TEKT1: variants seen among roughly 807,000 people sequenced by gnomAD.
TEKT1 encodes the protein tektin 1.
A neutral mutation model predicts 34.8 loss-of-function variants in TEKT1; 32 were observed. The ratio of observed to expected loss-of-function variants is 0.92; its 90% CI spans 0.69 to 1.23. The LOEUF is 1.23. TEKT1 is among the 50% of genes most tolerant of loss of function. The pLI is 0.00. For synonymous variants in TEKT1, 207 were observed against 199.8 expected, an observed-to-expected ratio of 1.04 and a Z score of -0.30; for missense variants, 492 against 518.5, an observed-to-expected ratio of 0.95 and a Z score of 0.50.
intron 2 of TEKT1, among the ~76,000 whole-genome samples, chr17:6,819,590 C>T (rs530744123): frequency 6.6e-6 from 1 of 152,346 alleles, no homozygotes; most frequent in Admixed American, 6.5e-5. Flanking sequence ...ACTAGTTCTT[C>T]AGTGCCCACT....
rs1045415409 is a variant in TEKT1 at position 6,811,744 on chromosome 17, C to T, written c.852+1087G>A. Among the ~76,000 whole-genome samples the T allele has an allele frequency of 3.9e-5, 6 of 152,132 alleles. No individual in the cohort carries two copies. The highest frequency in any genetic ancestry group is 1.4e-4 in the African/African-American group (6 of 41,434). ...CCACTCCCACCGTGCCGCCTTGGGG[C>T]CCTTCCCCTCTCTGTTTCAGCTTCA... On this transcript the variant is annotated intron_variant, in intron 6 of 7. Transcript: ENST00000338694. The surrounding 1 kb of genome is among the most constrained non-coding windows in gnomAD (Gnocchi z 4.4).
chr17:6,817,746 C>T (rs1479958746), intron 3 of TEKT1, among the ~76,000 whole-genome samples: 2 of 152,142 alleles, frequency 1.3e-5, no homozygotes, highest in Non-Finnish European at 2.9e-5. Flanking sequence ...CCTACCTGTG[C>T]CTTGGTTTCC....
chr17:6,824,066 C>T (rs968699110), intron 2 of TEKT1, among the ~76,000 whole-genome samples: 1 of 152,072 alleles, frequency 6.6e-6, no homozygotes, highest in Non-Finnish European at 1.5e-5. Context: ...TCGTGATCTG[C>T]CCACATCGGC....
intron 3 of TEKT1, among the ~76,000 whole-genome samples, chr17:6,816,234 AT>A (rs1316922453): frequency 6.6e-6 from 1 of 151,640 alleles, no homozygotes; most frequent in Admixed American, 6.6e-5. Context: ...TTTTCTTTGT[AT>A]TTTTTTTAAA....
At chr17:6,801,876 A>C (rs1976778557) in intron 6 of TEKT1, among the ~76,000 whole-genome samples, 1 of 152,180 alleles carries the variant, frequency 6.6e-6, no homozygotes, top group Admixed American at 6.5e-5. Flanking sequence ...AACCTCGCAT[A>C]GTCATCAGCA....
intron 6 of TEKT1, among the ~76,000 whole-genome samples, chr17:6,809,347 T>C (rs1976894580): frequency 6.6e-6 from 1 of 152,154 alleles, no homozygotes; most frequent in Non-Finnish European, 1.5e-5. Context: ...TTCTCCTGCC[T>C]CAGCCTCCCA....
intron 2 of TEKT1, among the ~76,000 whole-genome samples, chr17:6,825,794 A>G (rs1394192531): frequency 6.6e-6 from 1 of 152,248 alleles, no homozygotes; most frequent in Non-Finnish European, 1.5e-5. Flanking sequence ...AGTGTTGTAT[A>G]TAGCTGTAGG....
rs35631399 is a variant in TEKT1 at position 6,811,405 on chromosome 17, G to A, written c.852+1426C>T. Among the ~76,000 whole-genome samples, 8,537 of 152,070 alleles carry A rather than the reference G, an allele frequency of 0.056. 300 individuals are homozygous for A. Among genetic ancestry groups the A allele is most frequent in the South Asian group, 0.085 (408 of 4,818 alleles). On this transcript the variant is annotated intron_variant, in intron 6 of 7. Coordinates refer to ENST00000338694, the MANE Select transcript of TEKT1 (RefSeq NM_053285.2). The surrounding 1 kb of genome is among the most constrained non-coding windows in gnomAD (Gnocchi z 4.4). Reference sequence around the variant, plus strand: ...GTCTAACTTAACCCTGGCTGGGGAAGACTATTGTTTCTCCCCATTTTATCA... The same window carrying A: ...GTCTAACTTAACCCTGGCTGGGGAAAACTATTGTTTCTCCCCATTTTATCA...
In TEKT1 at chr17:6,812,987, C is replaced by T. The variant is rs1597788899; in HGVS notation, c.696G>A (p.Arg232=). 6 of 1,614,220 alleles carry T rather than the reference C, an allele frequency of 3.7e-6. No individual in the cohort carries two copies. Among genetic ancestry groups the T allele is most frequent in the Non-Finnish European group, 5.1e-6 (6 of 1,180,046 alleles). The change falls in exon 6 of 8, where the codon CGG becomes CGA. Residue 232 remains arginine (R), a synonymous_variant. Transcript: ENST00000338694. The stretch of plus-strand genomic sequence containing the variant: ...GGGCTTTCAGCATCAGGGAGTTGTT[C>T]CGCTGCTTGTCAGCCTTCTCCACAT... The part of the protein sequence containing the change: ...STNVEKADKQ[R]NNSLMLKALV...
chr17:6,828,961 G>A (rs534213992), intron 2 of TEKT1, among the ~76,000 whole-genome samples: 1 of 152,098 alleles, frequency 6.6e-6, no homozygotes. Context: ...GACCAGCCTG[G>A]CCAACATGAT....
chr17:6,820,946 G>A (rs9903410), intron 2 of TEKT1, among the ~76,000 whole-genome samples: 9,358 of 152,186 alleles, frequency 0.061, 820 homozygotes, highest in African/African-American at 0.19. Flanking sequence ...ATTTGGCTGT[G>A]CCCTGAGTTA....
chr17:6,817,856 A>G (rs1281887678), intron 3 of TEKT1, among the ~76,000 whole-genome samples: 1 of 152,262 alleles, frequency 6.6e-6, no homozygotes, highest in Non-Finnish European at 1.5e-5. Flanking sequence ...CACATAGTAC[A>G]TGCTCAGTAA....
At chr17:6,807,047 A>G (rs1265537435) in intron 6 of TEKT1, among the ~76,000 whole-genome samples, 1 of 152,166 alleles carries the variant, frequency 6.6e-6, no homozygotes, top group Non-Finnish European at 1.5e-5. Flanking sequence ...CTCCTGGATA[A>G]TATACTGCAG....
At chr17:6,810,775 A>T (rs905177581) in intron 6 of TEKT1, among the ~76,000 whole-genome samples, 1 of 152,004 alleles carries the variant, frequency 6.6e-6, no homozygotes, top group Non-Finnish European at 1.5e-5. Context: ...TTTCGCTCTT[A>T]TTGCCCAGGC....
intron 2 of TEKT1, among the ~76,000 whole-genome samples, chr17:6,827,564 C>T (rs1904446751): frequency 6.6e-6 from 1 of 152,048 alleles, no homozygotes; most frequent in Admixed American, 6.6e-5. Context: ...CACTCAGCCT[C>T]GTGCCTATTC....
At chr17:6,823,936 C>A (rs1422477148) in intron 2 of TEKT1, among the ~76,000 whole-genome samples, 3 of 151,350 alleles carry the variant, frequency 2.0e-5, no homozygotes, top group African/African-American at 2.4e-5. Context: ...CATTCTCCTG[C>A]CTCAGCCTCC....
At chr17:6,814,935 A>G (rs1490708075) in intron 5 of TEKT1, 2 of 480,274 alleles carry the variant, frequency 4.2e-6, no homozygotes, top group East Asian at 3.4e-5. Flanking sequence ...AAAATGTTTT[A>G]TTCTTTAAAG....
chr17:6,801,640 G>A (rs762784174), intron 6 of TEKT1, among the ~76,000 whole-genome samples: 37 of 152,066 alleles, frequency 2.4e-4, no homozygotes, highest in Non-Finnish European at 4.4e-4. Flanking sequence ...CCCAGGAGGC[G>A]GAGGTTGCAG....
At chr17:6,800,599 T>A (rs1041768835) in intron 7 of TEKT1, 148 bp downstream of exon 7, 1 of 962,844 alleles carries the variant, frequency 1.0e-6, no homozygotes, top group African/African-American at 1.6e-5. Flanking sequence ...TGGCGGGAGG[T>A]GGTGGAGACT....
Sources: gnomAD v4.1 joint callset for allele counts (sites outside exome capture counted in the v4.1 genomes callset) on GRCh38, gnomAD v4.1.1 for gene constraint, Gnocchi (gnomAD v3.1) non-coding constraint, MANE v1.5 for transcripts, NCBI Gene and HGNC (gene_info 2026-07-23, HGNC 2026-07-21) for gene names.